Variants in SPTBN5 observed in about 807,000 individuals in gnomAD.
SPTBN5 encodes spectrin beta, non-erythrocytic 5.
A neutral mutation model predicts 477.6 loss-of-function variants in SPTBN5; 513 were observed. That is an observed-to-expected ratio of 1.07 (90% CI 1.00 to 1.16). The LOEUF is 1.16. Among genes scored for constraint, SPTBN5 ranks in the 50% most tolerant of loss-of-function variants. SPTBN5 has a pLI of 0.00. For synonymous variants in SPTBN5, 2,169 were observed against 2,011.7 expected (o/e 1.08, Z -2.09); for missense variants, 5,062 against 4,731.8 (o/e 1.07, Z -2.05).
intron 39 of SPTBN5, 149 bp from the exon 40 acceptor site, chr15:41,864,173 A>G (rs1021803959): frequency 3.0e-6 from 2 of 672,360 alleles, no homozygotes; most frequent in Non-Finnish European, 5.0e-6. Context: ...TGCCTCCTCT[A>G]CTGCGGCAGG....
intron 21 of SPTBN5, 63 bp downstream of exon 21, chr15:41,876,051 G>T: frequency 6.4e-7 from 1 of 1,550,402 alleles, no homozygotes; most frequent in African/African-American, 1.3e-5. Flanking sequence ...AAAACAGGTG[G>T]TGCAGTAGGG....
At position 41,854,182 on chromosome 15, in the gene SPTBN5, G is replaced by T; in HGVS notation, c.9642C>A (p.Val3214=). ...RTENLAAAHE[V]HSFQQAAAEL... is the part of the protein sequence containing the mutation. Reference sequence around the variant, plus strand: ...CAGCTGCTGCCTGCTGAAAGCTGTGGACCTCATGGGCTGCAGCCAAGTTCT... The same window carrying T: ...CAGCTGCTGCCTGCTGAAAGCTGTGTACCTCATGGGCTGCAGCCAAGTTCT... The change falls in exon 57 of 68, where the codon GTC becomes GTA. Residue 3214 remains valine, a synonymous_variant. Coordinates refer to ENST00000320955, the MANE Select transcript of SPTBN5 (RefSeq NM_016642.4). The T allele has an allele frequency of 6.2e-7, 1 of 1,600,026 alleles. No homozygotes were observed. Among genetic ancestry groups the T allele is most frequent in the Non-Finnish European group, 8.5e-7 (1 of 1,173,662 alleles).
intron 34 of SPTBN5, 133 bp downstream of exon 34, chr15:41,867,936 G>A (rs1193529834): frequency 2.4e-6 from 3 of 1,254,534 alleles, no homozygotes; most frequent in Non-Finnish European, 3.2e-6. Context: ...ATGGCCACCT[G>A]GAAGGACTTG....
Position 41,879,387 on chromosome 15 carries a change from C to T in SPTBN5, c.3055G>A (p.Val1019Met), listed in dbSNP as rs765388685. ...TGCAGGGCCTCCAGCTGGAGGAGCACGTCTCGCAGCTGGACCTGTGTGGGT... is the reference window on the plus strand; with the variant it reads ...TGCAGGGCCTCCAGCTGGAGGAGCATGTCTCGCAGCTGGACCTGTGTGGGT... ...CGPTQVQLRD[V>M]LLQLEALQPG... Residue 1019 changes from valine (V) to methionine (M), a missense_variant, in exon 16 of 68, where the codon GTG becomes ATG. Physicochemically the swap from Val to Met is conservative, Grantham distance 21 (BLOSUM62 1). Transcript: ENST00000320955. 2.6e-5 allele frequency: 42 copies of T among 1,610,506 alleles called. No homozygotes were observed. In the South Asian group the frequency reaches 3.7e-4, roughly 14 times the overall value.
At chr15:41,859,808 C>A (rs757550216) in intron 47 of SPTBN5, among the ~76,000 whole-genome samples, 6 of 152,170 alleles carry the variant, frequency 3.9e-5, no homozygotes, top group Non-Finnish European at 8.8e-5. Flanking sequence ...GTGTGGTCCA[C>A]CTGCAAGAAT....
In SPTBN5 at chr15:41,886,261, G is replaced by C; in HGVS notation, c.994C>G (p.Arg332Gly). ...GCGGGCAGCGAGTCTGGAAAATCCC[G>C]CGCCTCCAGCTGCATCTGCTTCTCT... is the stretch of plus-strand genomic sequence containing the variant. ...IAEKQMQLEA[R>G]DFPDSLPAMR... The change falls in exon 7 of 68, where the codon CGG (arginine) becomes GGG (glycine). Residue 332 changes from arginine (R) to glycine (G), a missense_variant. By Grantham distance (125) the Arg-to-Gly change is moderately radical (BLOSUM62 -2). Transcript: ENST00000320955. 1 of 1,613,244 alleles carries C rather than the reference G, an allele frequency of 6.2e-7. No homozygotes were observed. The highest frequency in any genetic ancestry group is 8.5e-7 in the Non-Finnish European group (1 of 1,179,892).
Position 41,882,290 on chromosome 15 carries a change from C to A in SPTBN5, c.2226G>T (p.Gln742His). 3 of 1,311,316 alleles carry A rather than the reference C, an allele frequency of 2.3e-6. No individual in the cohort carries two copies. Among genetic ancestry groups the A allele is most frequent in the Non-Finnish European group, 3.0e-6 (3 of 1,005,224 alleles). 81.2% of individuals were successfully genotyped at this position (1,311,316 alleles called of 1,614,324 possible). A position where few individuals can be genotyped will look rare whatever the true frequency, so the allele number is the denominator to read the frequency against. Reference protein sequence around the residue: ...TRVVGRGARLQTALLVLQYFA... With the variant: ...TRVVGRGARLHTALLVLQYFA... ...CTACCTGCAGGACCAGCAGGGCTGT[C>A]TGCAGCCGTGCGCCCCGCCCCACCA... The change falls in exon 11 of 68, where the codon CAG (glutamine) becomes CAT (histidine). Residue 742 changes from glutamine (Q) to histidine (H), a missense_variant. By Grantham distance (24) the Gln-to-His change is conservative. Transcript: ENST00000320955.
At position 41,853,350 on chromosome 15, in the gene SPTBN5, C is replaced by T. The variant is rs776272157; in HGVS notation, c.10078G>A (p.Gly3360Arg). 9.9e-6 allele frequency: 16 copies of T among 1,612,692 alleles called. No individual in the cohort carries two copies. The South Asian group carries it at 1.5e-4, about 15-fold the overall frequency. Reference sequence around the variant, plus strand: ...AGGCGGCACTCCCTGATTTCTTGCCCCAGCTCTTCATGCTGCCCAAGGAGC... The same window carrying T: ...AGGCGGCACTCCCTGATTTCTTGCCTCAGCTCTTCATGCTGCCCAAGGAGC... ...EQLLGQHEEL[G>R]QEIRECRLQA... The change falls in exon 59 of 68, where the codon GGG becomes AGG. Residue 3360 changes from glycine (G) to arginine (R), a missense_variant. Gly to Arg is a moderately radical substitution (Grantham distance 125, BLOSUM62 -2). Transcript: ENST00000320955.
chr15:41,866,496 G>A lies in SPTBN5; in HGVS notation c.6481-3C>T. ...CACGCCTGGATCCAGTCCTCAGCCT[G>A]GTGGGGGTGGGACATGAATGCTGCA... On this transcript the variant is annotated splice_region_variant and splice_polypyrimidine_tract_variant and intron_variant, in intron 36 of 67. Transcript: ENST00000320955. 6.4e-7 allele frequency: 1 copy of A among 1,555,340 alleles called. No homozygotes were observed.
intron 13 of SPTBN5, 82 bp downstream of exon 13, chr15:41,880,952 C>A: frequency 7.9e-7 from 1 of 1,263,694 alleles, no homozygotes; most frequent in Non-Finnish European, 1.1e-6. Flanking sequence ...ATGTCAGTCA[C>A]TGCCTTGTCC....
chr15:41,882,385 G>C lies in SPTBN5; in HGVS notation c.2131C>G (p.Pro711Ala). The change falls in exon 11 of 68, where the codon CCA (proline) becomes GCA (alanine). Residue 711 changes from proline to alanine, a missense_variant. Transcript: ENST00000320955. ...RGRDLSARRP[P>A]TQPDPGERAE... is the part of the protein sequence containing the mutation. ...CGTTCCCCGGGATCCGGCTGCGTTG[G>C]GGGCCTGCGGGCGCTGAGGTCGCGT... 2 of 1,538,054 alleles carry C rather than the reference G, an allele frequency of 1.3e-6. No homozygotes were observed. Among genetic ancestry groups the C allele is most frequent in the South Asian group, 1.2e-5 (1 of 84,130 alleles).
chr15:41,879,938 C>T (rs565186737), intron 14 of SPTBN5, 74 bp from the exon 15 acceptor site: 19 of 1,579,476 alleles, frequency 1.2e-5, no homozygotes, highest in Non-Finnish European at 1.5e-5. Context: ...CTATGACGGA[C>T]CTGAGTGGTG....
intron 67 of SPTBN5, among the ~76,000 whole-genome samples, chr15:41,849,531 T>C (rs1210805018): frequency 1.3e-5 from 2 of 152,106 alleles, no homozygotes; most frequent in Admixed American, 6.5e-5. Flanking sequence ...AGGCAGGCTC[T>C]CAGCACTGGG....
At position 41,856,936 on chromosome 15, in the gene SPTBN5, C is replaced by A. The variant is rs776336146; in HGVS notation, c.8725G>T (p.Val2909Leu). The change falls in exon 52 of 68, where the codon GTG becomes TTG. Residue 2909 changes from valine to leucine, a missense_variant. Val to Leu is a conservative substitution (Grantham distance 32). Coordinates refer to ENST00000320955, the MANE Select transcript of SPTBN5 (RefSeq NM_016642.4). ...FRDADEEMAW[V>L]QEKLPLAAAQ... ...GCGGCCAGAGGCAGCTTCTCCTGCA[C>A]CCAGGCCATTTCCTCGTCGGCGTCC... The A allele has an allele frequency of 3.2e-5, 50 of 1,574,010 alleles. No homozygotes were observed. Among genetic ancestry groups the A allele is most frequent in the Non-Finnish European group, 4.2e-5 (49 of 1,160,472 alleles).
At position 41,876,610 on chromosome 15, in the gene SPTBN5, T is replaced by C. The variant is rs760636056; in HGVS notation, c.3889A>G (p.Thr1297Ala). ...TGCTCACTCCTCCCCTGGAGCCTGGTCCACTGTGCCTGGATACTCTGCAGC... is the reference window on the plus strand; with the variant it reads ...TGCTCACTCCTCCCCTGGAGCCTGGCCCACTGTGCCTGGATACTCTGCAGC... ...EQLQSIQAQW[T>A]RLQGRSEQRR... The change falls in exon 20 of 68, where the codon ACC becomes GCC. Residue 1297 changes from threonine to alanine, a missense_variant. By Grantham distance (58) the Thr-to-Ala change is moderately conservative. Transcript: ENST00000320955. 3.4e-6 allele frequency: 5 copies of C among 1,461,254 alleles called. No homozygotes were observed. Among genetic ancestry groups the C allele is most frequent in the Non-Finnish European group, 4.6e-6 (5 of 1,091,188 alleles). The allele number at this position is 1,461,254 out of a possible 1,614,324, so 90.5% of individuals were successfully genotyped here.
chr15:41,864,797 A>C (rs1189793077), intron 39 of SPTBN5, among the ~76,000 whole-genome samples: 1 of 152,212 alleles, frequency 6.6e-6, no homozygotes, highest in East Asian at 1.9e-4. Flanking sequence ...GAGGGGGTCC[A>C]CCGCAGGGTG....
At position 41,867,463 on chromosome 15, in the gene SPTBN5, C is replaced by T. The variant is rs114901084; in HGVS notation, c.6312+75G>A. On this transcript the variant is annotated intron_variant, in intron 35 of 67. Coordinates refer to ENST00000320955, the MANE Select transcript of SPTBN5 (RefSeq NM_016642.4). ...GCACTGCCTCCAGGAACACACCAAGCGCCCCGTGACCCCCTTCAGGACTCT... is the reference window on the plus strand; with the variant it reads ...GCACTGCCTCCAGGAACACACCAAGTGCCCCGTGACCCCCTTCAGGACTCT... 1.0e-3 allele frequency: 1,386 copies of T among 1,382,264 alleles called. 9 individuals are homozygous for T. The African/African-American group carries it at 0.018, about 18-fold the overall frequency. The allele number at this position is 1,382,264 out of a possible 1,614,324, so 85.6% of individuals were successfully genotyped here.
Position 41,888,151 on chromosome 15 carries a change from T to C in SPTBN5, c.502-66A>G, listed in dbSNP as rs940327168. 27 of 1,484,680 alleles carry C rather than the reference T, an allele frequency of 1.8e-5. No individual in the cohort carries two copies. In the African/African-American group the frequency reaches 3.1e-4, roughly 17 times the overall value. 92.0% of individuals were successfully genotyped at this position (1,484,680 alleles called of 1,614,324 possible). ...GTGGGGAGGCAGAGAGCCTGCAGGCTGTGGGAGAGGCAGGCTGGCCACAGC... is the reference window on the plus strand; with the variant it reads ...GTGGGGAGGCAGAGAGCCTGCAGGCCGTGGGAGAGGCAGGCTGGCCACAGC... On this transcript the variant is annotated intron_variant, in intron 4 of 67. Transcript: ENST00000320955.
Position 41,862,677 on chromosome 15 carries a change from G to A in SPTBN5, c.7264-17C>T, listed in dbSNP as rs753870033. ...CTCTAGGGACTGCGGGGGAAGCCGG[G>A]GTCAGAGGCTGGGGCAGGGGAGCTC... On this transcript the variant is annotated splice_polypyrimidine_tract_variant and intron_variant, in intron 42 of 67. Coordinates refer to ENST00000320955, the MANE Select transcript of SPTBN5 (RefSeq NM_016642.4). 2 of 1,546,170 alleles carry A rather than the reference G, an allele frequency of 1.3e-6. No homozygotes were observed. Among genetic ancestry groups the A allele is most frequent in the South Asian group, 1.2e-5 (1 of 84,478 alleles).
Sources: allele counts gnomAD v4.1 joint callset (sites outside exome capture counted in the v4.1 genomes callset), GRCh38; gene constraint gnomAD v4.1.1; transcripts MANE v1.5; gene names NCBI Gene and HGNC (gene_info 2026-07-23, HGNC 2026-07-21).